Variants in LAMA1 observed in about 807,000 individuals in gnomAD.
The protein encoded by LAMA1 is laminin subunit alpha-1.
A neutral mutation model predicts 348.7 loss-of-function variants in LAMA1; 219 were observed. The observed-to-expected ratio is 0.63, with a 90% CI of 0.56 to 0.70. The LOEUF is 0.70. Ranked by LOEUF, LAMA1 falls within the 30% of genes least tolerant of loss-of-function variation. The pLI, the probability that LAMA1 is intolerant of heterozygous loss-of-function variation, is 0.00. For synonymous variants in LAMA1, 1,487 were observed against 1,491.0 expected (o/e 1.00, Z 0.06); for missense variants, 3,744 against 3,888.0 (o/e 0.96, Z 0.99).
intron 35 of LAMA1, among the ~76,000 whole-genome samples, chr18:6,993,017 C>T (rs1479671678): frequency 6.6e-6 from 1 of 152,214 alleles, no homozygotes; most frequent in African/African-American, 2.4e-5. Flanking sequence ...GAGACATCTG[C>T]ACATGAAAAA....
At chr18:7,050,398 T>C (rs2058057782) in intron 4 of LAMA1, among the ~76,000 whole-genome samples, 1 of 152,176 alleles carries the variant, frequency 6.6e-6, no homozygotes, top group Admixed American at 6.5e-5. Context: ...AGCTCTCTAA[T>C]ATTTCAACAA....
chr18:7,053,529 G>A (rs1455523787), intron 3 of LAMA1, among the ~76,000 whole-genome samples: 2 of 152,068 alleles, frequency 1.3e-5, no homozygotes, highest in African/African-American at 2.4e-5. Flanking sequence ...AAAATTAAAA[G>A]CCAGAGTAAT....
At chr18:7,079,257 A>G (rs1036140578) in intron 3 of LAMA1, 1 of 152,600 alleles carries the variant, frequency 6.6e-6, no homozygotes, top group African/African-American at 2.4e-5. Flanking sequence ...AACAGCTCCA[A>G]AACACCTGCC....
intron 55 of LAMA1, among the ~76,000 whole-genome samples, chr18:6,957,650 G>C (rs2057586063): frequency 2.0e-5 from 3 of 152,170 alleles, no homozygotes; most frequent in African/African-American, 7.2e-5. Flanking sequence ...GTCCCACAGA[G>C]CAGAGCACAG....
chr18:7,040,389 T>C (rs557231548), intron 9 of LAMA1, among the ~76,000 whole-genome samples, 153 bp from the exon 10 acceptor site: 1 of 152,230 alleles, frequency 6.6e-6, no homozygotes, highest in Non-Finnish European at 1.5e-5. Flanking sequence ...CAGCCATTAT[T>C]GTTCGAACAC....
At chr18:7,019,989 G>A (rs1035418172) in intron 19 of LAMA1, among the ~76,000 whole-genome samples, 2 of 151,910 alleles carry the variant, frequency 1.3e-5, no homozygotes, top group Non-Finnish European at 1.5e-5. Context: ...GCCTATTATA[G>A]TAATTCTTAA....
At chr18:6,966,582 C>T (rs2144019127) in intron 48 of LAMA1, among the ~76,000 whole-genome samples, 1 of 152,284 alleles carries the variant, frequency 6.6e-6, no homozygotes, top group East Asian at 1.9e-4. Flanking sequence ...TTCAGTTTAT[C>T]AACTGGATTT....
At chr18:7,011,820 C>G (rs1398641537) in intron 24 of LAMA1, among the ~76,000 whole-genome samples, 175 bp downstream of exon 24, 2 of 152,228 alleles carry the variant, frequency 1.3e-5, no homozygotes, top group Non-Finnish European at 1.5e-5. Context: ...CCATTTACTT[C>G]CTCGGCCAGC....
intron 46 of LAMA1, among the ~76,000 whole-genome samples, chr18:6,974,698 T>A (rs954542871): frequency 2.6e-5 from 4 of 152,144 alleles, no homozygotes; most frequent in Admixed American, 1.3e-4. Flanking sequence ...TCCGCCTGCC[T>A]TGGCCTCCGA....
Position 7,065,189 on chromosome 18 carries a change from C to T in LAMA1, c.346-14253G>A, listed in dbSNP as rs1254014850. 6.3e-5 allele frequency among the ~76,000 whole-genome samples: 9 copies of T among 143,552 alleles called. No individual in the cohort carries two copies. The East Asian group carries it at 9.0e-4, about 14-fold the overall frequency. The allele number at this position is 143,552 out of a possible 152,430, so 94.2% of individuals were successfully genotyped here. On this transcript the variant is annotated intron_variant, in intron 3 of 62. Coordinates refer to ENST00000389658, the MANE Select transcript of LAMA1 (RefSeq NM_005559.4). ...CGGAGGTTGCAGTGAGCTGAGATTG[C>T]GCCACTGCACTCCAGCCTGGGTGAC...
chr18:7,007,376 G>A, intron 28 of LAMA1, 100 bp from the exon 29 acceptor site: 2 of 1,209,570 alleles, frequency 1.7e-6, no homozygotes, highest in Non-Finnish European at 2.3e-6. Context: ...ATGGCCAACA[G>A]GTATGTGAAA....
intron 1 of LAMA1, among the ~76,000 whole-genome samples, chr18:7,091,743 C>T (rs2058240569): frequency 6.6e-6 from 1 of 152,202 alleles, no homozygotes; most frequent in South Asian, 2.1e-4. Flanking sequence ...GAAAGAGTCC[C>T]ACATTTTCAC....
intron 3 of LAMA1, among the ~76,000 whole-genome samples, chr18:7,073,334 T>C (rs763748308): frequency 2.0e-5 from 3 of 152,128 alleles, no homozygotes; most frequent in Non-Finnish European, 4.4e-5. Flanking sequence ...ATATTCACAC[T>C]GTTGTGCAAT....
intron 3 of LAMA1, among the ~76,000 whole-genome samples, chr18:7,077,160 A>T (rs528776804): frequency 4.0e-5 from 6 of 151,732 alleles, no homozygotes; most frequent in African/African-American, 9.7e-5. Flanking sequence ...TACCTAAAGC[A>T]GCCTATAACT....
At chr18:7,061,978 G>A (rs1478374337) in intron 3 of LAMA1, among the ~76,000 whole-genome samples, 1 of 152,188 alleles carries the variant, frequency 6.6e-6, no homozygotes, top group Non-Finnish European at 1.5e-5. Context: ...GGACAGGTGG[G>A]GGAGGGGTGA....
At chr18:6,957,785 CT>C (rs58835769) in intron 55 of LAMA1, among the ~76,000 whole-genome samples, 3 of 150,760 alleles carry the variant, frequency 2.0e-5, no homozygotes, top group Admixed American at 6.6e-5. Flanking sequence ...GCTTCCAGTT[CT>C]TTTTTTTTCT....
At chr18:7,019,977 C>T (rs552685904) in intron 19 of LAMA1, among the ~76,000 whole-genome samples, 5 of 151,954 alleles carry the variant, frequency 3.3e-5, no homozygotes, top group East Asian at 1.9e-4. Flanking sequence ...CCACCATGCC[C>T]GGCCTATTAT....
At chr18:7,106,559 C>T (rs940662522) in intron 1 of LAMA1, among the ~76,000 whole-genome samples, 1 of 151,992 alleles carries the variant, frequency 6.6e-6, no homozygotes, top group Non-Finnish European at 1.5e-5. Context: ...GGGGTTTCAC[C>T]ATGTTGGTCA....
chr18:7,041,673 G>T (rs1452672736), intron 9 of LAMA1, among the ~76,000 whole-genome samples: 1 of 152,192 alleles, frequency 6.6e-6, no homozygotes, highest in African/African-American at 2.4e-5. Context: ...GATGATTTAT[G>T]CAAAAGCCCT....
Sources: gnomAD v4.1 joint callset for allele counts (sites outside exome capture counted in the v4.1 genomes callset) on GRCh38, gnomAD v4.1.1 for gene constraint, MANE v1.5 for transcripts, NCBI Gene and HGNC (gene_info 2026-07-23, HGNC 2026-07-21) for gene names.